Variants in GNAS-AS1 observed in about 807,000 individuals in gnomAD.
GNAS-AS1 encodes the protein GNAS antisense RNA 1.
intron 1 of GNAS-AS1, among the ~76,000 whole-genome samples, chr20:58,849,584 C>G (rs911607059): frequency 3.3e-5 from 5 of 152,224 alleles, no homozygotes; most frequent in Non-Finnish European, 7.3e-5. Context: ...TCTGCCATGT[C>G]TAAAACCAAA....
chr20:58,819,178 C>T (rs1189216868), exon 5 of GNAS-AS1: 2 of 398,612 alleles, frequency 5.0e-6, no homozygotes, highest in East Asian at 3.6e-5. Context: ...AAACCAGGAA[C>T]GTGGCACTAA....
intron 4 of GNAS-AS1, chr20:58,836,642 C>T (rs2085605247): frequency 1.3e-5 from 2 of 152,206 alleles, no homozygotes; most frequent in Non-Finnish European, 2.9e-5. Flanking sequence ...CACCCACTTG[C>T]TCCTTTTTGA....
chr20:58,833,717 G>C (rs967872650), intron 4 of GNAS-AS1: 1 of 152,198 alleles, frequency 6.6e-6, no homozygotes, highest in Non-Finnish European at 1.5e-5. Flanking sequence ...GACCTAAGGG[G>C]TCCACACATC....
intron 4 of GNAS-AS1, among the ~76,000 whole-genome samples, chr20:58,820,693 G>A (rs2085479947): frequency 6.6e-6 from 1 of 152,260 alleles, no homozygotes; most frequent in Non-Finnish European, 1.5e-5. Context: ...CATGGCAGAA[G>A]GCAAGGAGGA....
chr20:58,841,537 G>C lies in GNAS-AS1; in HGVS notation n.819+400C>G. ...CCGCGCCAGTGCCTCCAGCTGCCGT[G>C]CGCCAGCCTTGGCCGCCACAGCCCG... On this transcript the variant is annotated intron_variant and non_coding_transcript_variant, in intron 4 of 4. Coordinates refer to ENST00000424094, the Ensembl canonical transcript of GNAS-AS1. This position sits in a 1 kb window ranked among gnomAD's most constrained non-coding sequence, Gnocchi z 5.0. 1.0e-6 allele frequency: 1 copy of C among 995,506 alleles called. No homozygotes were observed. The highest frequency in any genetic ancestry group is 1.2e-6 in the Non-Finnish European group (1 of 837,154). The allele number at this position is 995,506 out of a possible 1,614,324, so 61.7% of individuals were successfully genotyped here. A position where few individuals can be genotyped will look rare whatever the true frequency, so the allele number is the denominator to read the frequency against.
intron 4 of GNAS-AS1, chr20:58,826,877 T>TTTTTTTTTG: frequency 6.9e-6 from 1 of 144,302 alleles, no homozygotes; most frequent in Non-Finnish European, 1.5e-5. Context: ...TTTTTTTTTT[T>TTTTTTTTTG]TTTTTTTGTA....
chr20:58,839,011 G>A lies in GNAS-AS1; in HGVS notation n.819+2926C>T, dbSNP rs189630957. On this transcript the variant is annotated intron_variant and non_coding_transcript_variant, in intron 4 of 4. Coordinates refer to ENST00000424094, the Ensembl canonical transcript of GNAS-AS1. ...TGTCACCCTGAACTGCCCCGCAGGA[G>A]AGAAGTGGTTGTGTGAACTGAGAGC... 1.8e-4 allele frequency: 73 copies of A among 397,496 alleles called. 1 individual carries two copies. The East Asian group carries it at 2.4e-3, about 13-fold the overall frequency. The allele number at this position is 397,496 out of a possible 1,614,324, so 24.6% of individuals were successfully genotyped here. A position where few individuals can be genotyped will look rare whatever the true frequency, so the allele number is the denominator to read the frequency against.
intron 4 of GNAS-AS1, among the ~76,000 whole-genome samples, chr20:58,823,675 G>A (rs2085501194): frequency 6.6e-6 from 1 of 152,248 alleles, no homozygotes; most frequent in Admixed American, 6.5e-5. Context: ...CGTTCCCAAT[G>A]TGCCTTCTGT....
At chr20:58,844,473 G>A (rs923262956) in intron 2 of GNAS-AS1, among the ~76,000 whole-genome samples, 9 of 152,258 alleles carry the variant, frequency 5.9e-5, no homozygotes, top group African/African-American at 1.9e-4. Context: ...CTGGAGCAGT[G>A]GGATCTAAGA....
At chr20:58,848,230 C>G (rs2086009966) in intron 2 of GNAS-AS1, among the ~76,000 whole-genome samples, 2 of 152,262 alleles carry the variant, frequency 1.3e-5, no homozygotes, top group South Asian at 2.1e-4. Context: ...TCAAGTAAAC[C>G]ATCCCTGGGT....
intron 4 of GNAS-AS1, among the ~76,000 whole-genome samples, chr20:58,824,570 G>A (rs771995756): frequency 2.6e-5 from 4 of 152,044 alleles, no homozygotes; most frequent in Non-Finnish European, 5.9e-5. Context: ...GTCCGAATAC[G>A]TACTTTTAAA....
rs201406908 is a variant in GNAS-AS1, at chr20:58,830,113, A to ACT, written n.820-10860_820-10859dup. Among the ~76,000 whole-genome samples the ACT allele has an allele frequency of 3.3e-5, 5 of 150,168 alleles. No individual in the cohort carries two copies. The East Asian group carries it at 9.8e-4, about 29-fold the overall frequency. On this transcript the variant is annotated intron_variant and non_coding_transcript_variant, in intron 4 of 4. Coordinates refer to ENST00000424094, the Ensembl canonical transcript of GNAS-AS1. ...GGGCTCCTCAAACTCCTGCCCCCTC[A>ACT]CTCTCTCACCTCTTGGCCATTACCA...
chr20:58,824,254 C>T (rs559664180), intron 4 of GNAS-AS1, among the ~76,000 whole-genome samples: 61 of 152,344 alleles, frequency 4.0e-4, no homozygotes, highest in African/African-American at 1.4e-3. Flanking sequence ...CAGAAGCTGA[C>T]GGGCAGCGCA....
chr20:58,832,219 C>A (rs2085572587), intron 4 of GNAS-AS1, among the ~76,000 whole-genome samples: 1 of 152,058 alleles, frequency 6.6e-6, no homozygotes, highest in Admixed American at 6.6e-5. Flanking sequence ...GCATCTAATA[C>A]TTGGGAAATA....
In GNAS-AS1 at chr20:58,841,875, G is replaced by C; in HGVS notation, n.819+62C>G. 8.1e-7 allele frequency: 1 copy of C among 1,231,408 alleles called. No homozygotes were observed. Among genetic ancestry groups the C allele is most frequent in the Non-Finnish European group, 1.0e-6 (1 of 988,014 alleles). The allele number at this position is 1,231,408 out of a possible 1,614,324, so 76.3% of individuals were successfully genotyped here. On this transcript the variant is annotated intron_variant and non_coding_transcript_variant, in intron 4 of 4. Transcript: ENST00000424094. This position sits in a 1 kb window ranked among gnomAD's most constrained non-coding sequence, Gnocchi z 5.0. The stretch of plus-strand genomic sequence containing the variant: ...CCCTCGAGATCGTCGCAAGTGGAAA[G>C]GTAAAGCGGAACAAGGGACAGGCTG...
intron 4 of GNAS-AS1, among the ~76,000 whole-genome samples, chr20:58,837,331 G>T (rs1349086471): frequency 6.6e-6 from 1 of 152,170 alleles, no homozygotes; most frequent in Admixed American, 6.5e-5. Context: ...CGGAGATGAG[G>T]ATTTGAAATA....
intron 4 of GNAS-AS1, among the ~76,000 whole-genome samples, chr20:58,824,931 G>A (rs558491297): frequency 4.6e-5 from 7 of 152,334 alleles, no homozygotes; most frequent in Non-Finnish European, 7.3e-5. Flanking sequence ...GATGGGTTCT[G>A]TGAGAGGCCT....
At chr20:58,824,178 G>A (rs1485802107) in intron 4 of GNAS-AS1, 1 of 397,820 alleles carries the variant, frequency 2.5e-6, no homozygotes, top group Non-Finnish European at 4.4e-6. Context: ...GAAACACTAT[G>A]ATTTCTGGGA....
intron 4 of GNAS-AS1, chr20:58,836,125 A>C (rs1278254389): frequency 6.6e-6 from 1 of 152,202 alleles, no homozygotes; most frequent in Non-Finnish European, 1.5e-5. Flanking sequence ...CCCACAGCCT[A>C]CAGAGGCCTT....
Sources: allele counts gnomAD v4.1 joint callset (sites outside exome capture counted in the v4.1 genomes callset), GRCh38; gene constraint gnomAD v4.1.1; non-coding constraint Gnocchi (gnomAD v3.1); transcripts MANE v1.5; gene names NCBI Gene and HGNC (gene_info 2026-07-23, HGNC 2026-07-21).